The following ZNF384 variants were observed in gnomAD, a reference collection of about 807,000 sequenced individuals.
ZNF384 encodes zinc finger protein 384, also known as CAG repeat protein 1.
In ZNF384, 20 loss-of-function variants were observed where a neutral mutation model predicts 65.0. The observed-to-expected ratio is 0.31, with a 90% CI of 0.22 to 0.45. The LOEUF (loss-of-function observed/expected upper bound fraction) is 0.45. Among genes scored for constraint, ZNF384 ranks in the 20% least tolerant of loss-of-function variants. The pLI, the probability that ZNF384 is intolerant of heterozygous loss-of-function variation, is 1.00. For missense variants in ZNF384, 549 were observed against 769.4 expected, an observed-to-expected ratio of 0.71 and a Z score of 3.39; for synonymous variants, 310 against 303.9, an observed-to-expected ratio of 1.02 and a Z score of -0.21.
intron 2 of ZNF384, among the ~76,000 whole-genome samples, chr12:6,680,944 T>C (rs902538372): frequency 1.3e-5 from 2 of 152,174 alleles, no homozygotes; most frequent in Admixed American, 1.3e-4. Flanking sequence ...CGGCTGGGCA[T>C]GGTAGCTCAC....
chr12:6,669,003 G>T (rs1169377326), intron 11 of ZNF384, 28 bp downstream of exon 11: 2 of 1,581,762 alleles, frequency 1.3e-6, no homozygotes, highest in Non-Finnish European at 1.7e-6. Flanking sequence ...AGGACTATGA[G>T]GAAGGAGAGA....
rs1952156197 is a variant in ZNF384, at chr12:6,673,140, G to A, written c.1004+76C>T. On this transcript the variant is annotated intron_variant, in intron 8 of 11. Transcript: ENST00000683879. This position sits in a 1 kb window ranked among gnomAD's most constrained non-coding sequence, Gnocchi z 4.7. ...TGAAAGGGAAAGAATAATACATGTG[G>A]AGAGAGGAGTAGGTGCAGGCAACAT... 1 of 1,311,928 alleles carries A rather than the reference G, an allele frequency of 7.6e-7. No homozygotes were observed. The highest frequency in any genetic ancestry group is 1.1e-6 in the Non-Finnish European group (1 of 929,184). The allele number at this position is 1,311,928 out of a possible 1,614,324, so 81.3% of individuals were successfully genotyped here. A position where few individuals can be genotyped will look rare whatever the true frequency, so the allele number is the denominator to read the frequency against.
At position 6,672,557 on chromosome 12, in the gene ZNF384, G is replaced by A. The variant is rs556541400; in HGVS notation, c.1005-25C>T. 4 of 1,610,022 alleles carry A rather than the reference G, an allele frequency of 2.5e-6. No individual in the cohort carries two copies. The highest frequency in any genetic ancestry group is 3.4e-6 in the Non-Finnish European group (4 of 1,177,304). On this transcript the variant is annotated intron_variant, in intron 8 of 11. Coordinates refer to ENST00000683879, the MANE Select transcript of ZNF384 (RefSeq NM_001385745.1). This position sits in a 1 kb window ranked among gnomAD's most constrained non-coding sequence, Gnocchi z 4.4. Reference sequence around the variant, plus strand: ...CCTGCCGGAGAGGAGAGGAGGGAAGGGGGGAGGAGGAAGCAGTTCGACACC... The same window carrying A: ...CCTGCCGGAGAGGAGAGGAGGGAAGAGGGGAGGAGGAAGCAGTTCGACACC...
rs1954388153 is a variant in ZNF384 at position 6,678,059 on chromosome 12, T to C, written c.686+68A>G. The C allele has an allele frequency of 6.2e-6, 9 of 1,444,118 alleles. No individual in the cohort carries two copies. The highest frequency in any genetic ancestry group is 2.3e-5 in the East Asian group (1 of 43,722). 89.5% of individuals were successfully genotyped at this position (1,444,118 alleles called of 1,614,324 possible). ...AGCGCCTGACCGGGGCAGAACACAA[T>C]GAGGGTACAGGGAGAATCACCAAGC... On this transcript the variant is annotated intron_variant, in intron 6 of 11. Transcript: ENST00000683879. The surrounding 1 kb of genome is among the most constrained non-coding windows in gnomAD (Gnocchi z 4.9).
intron 2 of ZNF384, among the ~76,000 whole-genome samples, chr12:6,684,267 G>A (rs1265694249): frequency 6.6e-6 from 1 of 152,110 alleles, no homozygotes; most frequent in Admixed American, 6.5e-5. Flanking sequence ...GGTTCTACAA[G>A]GAACCAAAAC....
chr12:6,674,235 C>G (rs1333776697), intron 7 of ZNF384, among the ~76,000 whole-genome samples: 2 of 152,248 alleles, frequency 1.3e-5, no homozygotes, highest in East Asian at 3.8e-4. Context: ...TGTCAGCACT[C>G]TGGGTTGACA....
At position 6,666,602 on chromosome 12, in the gene ZNF384, T is replaced by TA. The variant is rs1456729684; in HGVS notation, c.*1111dup. ...ACAACTGGTTTCCTGATTTTTTTTT[T>TA]AATTTCCTTTCCTCTGAAATCTGCC... On this transcript the variant is annotated 3_prime_UTR_variant, in exon 12 of 12. Transcript: ENST00000683879. 2.4e-5 allele frequency: 4 copies of TA among 163,464 alleles called. No individual in the cohort carries two copies. Among genetic ancestry groups the TA allele is most frequent in the Non-Finnish European group, 5.3e-5 (4 of 75,402 alleles). 10.1% of individuals were successfully genotyped at this position (163,464 alleles called of 1,614,324 possible). A position where few individuals can be genotyped will look rare whatever the true frequency, so the allele number is the denominator to read the frequency against.
intron 1 of ZNF384, chr12:6,688,488 G>A (rs555082688): frequency 6.6e-6 from 1 of 152,298 alleles, no homozygotes; most frequent in African/African-American, 2.4e-5. Context: ...TCAGAGACTG[G>A]TCCTTGTTCG....
chr12:6,672,237 T>TCCAGCCAGGTCTCTCCC lies in ZNF384; in HGVS notation c.1187+96_1187+112dup, dbSNP rs1177276145. 1.7e-6 allele frequency: 2 copies of TCCAGCCAGGTCTCTCCC among 1,204,702 alleles called. No homozygotes were observed. The highest frequency in any genetic ancestry group is 2.3e-6 in the Non-Finnish European group (2 of 877,136). The allele number at this position is 1,204,702 out of a possible 1,614,324, so 74.6% of individuals were successfully genotyped here. ...TCCCAGATGCCAGCCAGGTCTCTCC[T>TCCAGCCAGGTCTCTCCC]CCAGCCAGGTCTCTCCCCCGCCCCC... On this transcript the variant is annotated intron_variant, in intron 9 of 11. Coordinates refer to ENST00000683879, the MANE Select transcript of ZNF384 (RefSeq NM_001385745.1). This position sits in a 1 kb window ranked among gnomAD's most constrained non-coding sequence, Gnocchi z 4.4.
rs1276583327 is a variant in ZNF384 at position 6,689,183 on chromosome 12, G to A, written c.-151C>T. 6.5e-6 allele frequency: 1 copy of A among 152,972 alleles called. No individual in the cohort carries two copies. Among genetic ancestry groups the A allele is most frequent in the Non-Finnish European group, 1.5e-5 (1 of 68,316 alleles). 9.5% of individuals were successfully genotyped at this position (152,972 alleles called of 1,614,324 possible). Reference sequence around the variant, plus strand: ...TGCTGGGAAAGGAGGGAGCCGAGGAGGGTGGGAGGACCAGGAAGGGGCGAG... The same window carrying A: ...TGCTGGGAAAGGAGGGAGCCGAGGAAGGTGGGAGGACCAGGAAGGGGCGAG... On this transcript the variant is annotated 5_prime_UTR_variant, in exon 1 of 12. Coordinates refer to ENST00000683879, the MANE Select transcript of ZNF384 (RefSeq NM_001385745.1).
Position 6,672,701 on chromosome 12 carries a change from T to C in ZNF384, c.1005-169A>G, listed in dbSNP as rs1565427552. Among the ~76,000 whole-genome samples, 1 of 152,142 alleles carries C rather than the reference T, an allele frequency of 6.6e-6. No individual in the cohort carries two copies. Among genetic ancestry groups the C allele is most frequent in the Non-Finnish European group, 1.5e-5 (1 of 68,014 alleles). ...GGCAAATGAAGAGGACACCCAGATC[T>C]AGGTTGTTGCTGATCGTAAGTCGGT... On this transcript the variant is annotated intron_variant, in intron 8 of 11. Transcript: ENST00000683879. This position sits in a 1 kb window ranked among gnomAD's most constrained non-coding sequence, Gnocchi z 4.4.
chr12:6,685,929 G>T (rs1290465072), intron 2 of ZNF384, among the ~76,000 whole-genome samples: 1 of 152,052 alleles, frequency 6.6e-6, no homozygotes, highest in Non-Finnish European at 1.5e-5. Context: ...ACACTATCAA[G>T]TATTAATAAT....
chr12:6,682,817 C>A (rs1235732297), intron 2 of ZNF384, among the ~76,000 whole-genome samples: 2 of 152,210 alleles, frequency 1.3e-5, no homozygotes, highest in Non-Finnish European at 2.9e-5. Flanking sequence ...ACGACTTTAT[C>A]ACCTAAGACA....
intron 2 of ZNF384, among the ~76,000 whole-genome samples, chr12:6,681,264 G>A (rs528669216): frequency 1.3e-5 from 2 of 150,042 alleles, no homozygotes; most frequent in South Asian, 2.1e-4. Context: ...TAACCCCTCC[G>A]AATCATGCCA....
chr12:6,679,528 G>A lies in ZNF384; in HGVS notation c.-5-3C>T. On this transcript the variant is annotated splice_region_variant and splice_polypyrimidine_tract_variant and intron_variant, in intron 2 of 11. Transcript: ENST00000683879. ...GAAGTGAGATTCTTCCATTCTACCT[G>A]AAGAAAAAATGAGAGAACATGTCAC... 6.2e-7 allele frequency: 1 copy of A among 1,611,410 alleles called. No homozygotes were observed. Among genetic ancestry groups the A allele is most frequent in the Non-Finnish European group, 8.5e-7 (1 of 1,177,870 alleles).
At chr12:6,671,763 T>C (rs1951588959) in intron 9 of ZNF384, 1 of 152,586 alleles carries the variant, frequency 6.6e-6, no homozygotes, top group African/African-American at 2.4e-5. Context: ...CACTCCAGAT[T>C]CACGGGATAA....
Position 6,666,601 on chromosome 12 carries a change from T to C in ZNF384, c.*1113A>G, listed in dbSNP as rs532346346. 1.2e-5 allele frequency: 2 copies of C among 164,744 alleles called. No homozygotes were observed. Among genetic ancestry groups the C allele is most frequent in the South Asian group, 4.1e-4 (2 of 4,918 alleles). 10.2% of individuals were successfully genotyped at this position (164,744 alleles called of 1,614,324 possible). ...AACAACTGGTTTCCTGATTTTTTTT[T>C]TAATTTCCTTTCCTCTGAAATCTGC... On this transcript the variant is annotated 3_prime_UTR_variant, in exon 12 of 12. Transcript: ENST00000683879.
In ZNF384 at chr12:6,672,940, T is replaced by G; in HGVS notation, c.1004+276A>C. ...CACCTTGGCTCTGAACTGAAGCATA[T>G]AGTAAAAGCAGGCCTGCTCTGCAGA... On this transcript the variant is annotated intron_variant, in intron 8 of 11. Transcript: ENST00000683879. The surrounding 1 kb of genome is among the most constrained non-coding windows in gnomAD (Gnocchi z 4.4). The G allele has an allele frequency of 2.0e-6, 1 of 489,244 alleles. No individual in the cohort carries two copies. The allele number at this position is 489,244 out of a possible 1,614,324, so 30.3% of individuals were successfully genotyped here.
rs2136313500 is a variant in ZNF384, at chr12:6,666,817, ATATATATATT to A, written c.*887_*896del. ...TGATGAGTGAGTATAATATATTTAT[ATATATATATT>A]TATATATAAATCCGTGTCCGGCATC... On this transcript the variant is annotated 3_prime_UTR_variant, in exon 12 of 12. Transcript: ENST00000683879. 5.9e-6 allele frequency: 1 copy of A among 169,396 alleles called. No homozygotes were observed. Among genetic ancestry groups the A allele is most frequent in the African/African-American group, 2.4e-5 (1 of 41,842 alleles). 10.5% of individuals were successfully genotyped at this position (169,396 alleles called of 1,614,324 possible).
Sources: allele counts gnomAD v4.1 joint callset (sites outside exome capture counted in the v4.1 genomes callset), GRCh38; gene constraint gnomAD v4.1.1; non-coding constraint Gnocchi (gnomAD v3.1); transcripts MANE v1.5; gene names NCBI Gene and HGNC (gene_info 2026-07-23, HGNC 2026-07-21).